IQCM: variants seen among roughly 807,000 people sequenced by gnomAD.
IQCM encodes the protein IQ domain-containing protein M.
Under a neutral mutation model 57.6 loss-of-function variants are expected in IQCM, and 45 were observed. The observed-to-expected ratio is 0.78, with a 90% CI of 0.62 to 1.00. The LOEUF (loss-of-function observed/expected upper bound fraction) is 1.00, where lower values mean the gene tolerates loss of function less well. Ranked by LOEUF, IQCM falls within the 50% of genes least tolerant of loss-of-function variation. The probability of loss-of-function intolerance (pLI) is 0.00; values close to 1 mark genes in which losing one functional copy is unlikely to be tolerated. For missense variants in IQCM, 468 were observed against 511.6 expected, an observed-to-expected ratio of 0.91 and a Z score of 0.82; for synonymous variants, 148 against 158.9, an observed-to-expected ratio of 0.93 and a Z score of 0.51.
intron 13 of IQCM, among the ~76,000 whole-genome samples, chr4:149,374,758 G>A (rs1189308154): frequency 2.6e-5 from 4 of 152,056 alleles, no homozygotes; most frequent in Non-Finnish European, 5.9e-5. Flanking sequence ...TGCCAACCTT[G>A]ACCTTCCACT....
At chr4:149,751,539 G>A (rs561744641) in intron 2 of IQCM, among the ~76,000 whole-genome samples, 3 of 152,212 alleles carry the variant, frequency 2.0e-5, no homozygotes, top group South Asian at 2.1e-4. Context: ...CCAGAAATTA[G>A]GACAGCAATT....
chr4:149,791,580 C>G (rs1283902435), intron 2 of IQCM, among the ~76,000 whole-genome samples: 1 of 152,146 alleles, frequency 6.6e-6, no homozygotes, highest in Non-Finnish European at 1.5e-5. Flanking sequence ...TCTGCCTCCC[C>G]CTCCACTACC....
intron 4 of IQCM, among the ~76,000 whole-genome samples, chr4:149,734,131 G>T (rs1033439880): frequency 6.6e-6 from 1 of 151,940 alleles, no homozygotes; most frequent in Non-Finnish European, 1.5e-5. Context: ...TCTACACACA[G>T]AGAGAGCTAT....
chr4:149,396,243 C>A (rs1300832009), intron 13 of IQCM, among the ~76,000 whole-genome samples: 1 of 151,608 alleles, frequency 6.6e-6, no homozygotes, highest in East Asian at 1.9e-4. Flanking sequence ...AATGTCTATC[C>A]ATAATCTTTA....
intron 9 of IQCM, among the ~76,000 whole-genome samples, chr4:149,582,514 T>C (rs1236537623): frequency 6.6e-6 from 1 of 150,794 alleles, no homozygotes; most frequent in Non-Finnish European, 1.5e-5. Context: ...GAGCAGTCCT[T>C]TGAATTAAAT....
At chr4:149,468,300 C>T (rs1739092500) in intron 12 of IQCM, among the ~76,000 whole-genome samples, 1 of 152,138 alleles carries the variant, frequency 6.6e-6, no homozygotes, top group Non-Finnish European at 1.5e-5. Context: ...TTCCAATGGC[C>T]TTAGCAAATG....
intron 9 of IQCM, among the ~76,000 whole-genome samples, chr4:149,575,430 G>C (rs550690613): frequency 6.6e-6 from 1 of 151,986 alleles, no homozygotes; most frequent in South Asian, 2.1e-4. Context: ...AAAAATCAGA[G>C]CAGTATTCCT....
At chr4:149,437,869 A>G (rs1473196934) in intron 12 of IQCM, among the ~76,000 whole-genome samples, 3 of 152,156 alleles carry the variant, frequency 2.0e-5, no homozygotes, top group Admixed American at 6.6e-5. Context: ...AGATGAAAGA[A>G]CAATAATTTA....
At chr4:149,375,363 G>C (rs1730638910) in intron 13 of IQCM, among the ~76,000 whole-genome samples, 1 of 152,122 alleles carries the variant, frequency 6.6e-6, no homozygotes, top group Non-Finnish European at 1.5e-5. Context: ...AGGAAGGGAG[G>C]AAGCAGAGAG....
intron 8 of IQCM, among the ~76,000 whole-genome samples, chr4:149,607,193 G>C (rs1013922266): frequency 2.6e-5 from 4 of 152,016 alleles, no homozygotes; most frequent in Admixed American, 2.0e-4. Flanking sequence ...CACATATAAA[G>C]GAGCTCTGAC....
At chr4:149,401,723 A>G (rs1422510567) in intron 13 of IQCM, among the ~76,000 whole-genome samples, 1 of 151,834 alleles carries the variant, frequency 6.6e-6, no homozygotes, top group African/African-American at 2.4e-5. Context: ...TGCTTACAAA[A>G]TGAGTTAAGA....
intron 8 of IQCM, among the ~76,000 whole-genome samples, chr4:149,611,602 G>A (rs1579694313): frequency 6.6e-6 from 1 of 152,078 alleles, no homozygotes; most frequent in Admixed American, 6.6e-5. Flanking sequence ...AATATTGTAC[G>A]TTCTCACTCA....
intron 10 of IQCM, among the ~76,000 whole-genome samples, chr4:149,558,029 CTT>C: frequency 6.6e-6 from 1 of 152,342 alleles, no homozygotes; most frequent in South Asian, 2.1e-4. Flanking sequence ...GGATCTAACA[CTT>C]TTCCTTGTAC....
chr4:149,497,118 A>G (rs1254337958), intron 12 of IQCM, among the ~76,000 whole-genome samples: 3 of 152,148 alleles, frequency 2.0e-5, no homozygotes, highest in Non-Finnish European at 4.4e-5. Context: ...TGTATGGGGC[A>G]GGAGAGTCTA....
intron 7 of IQCM, among the ~76,000 whole-genome samples, chr4:149,653,517 G>A (rs1376537794): frequency 2.0e-5 from 3 of 151,644 alleles, no homozygotes; most frequent in African/African-American, 7.3e-5. Flanking sequence ...ACTTCTTCAG[G>A]CTTTTTATAT....
chr4:149,655,934 T>C (rs1759598229), intron 7 of IQCM, among the ~76,000 whole-genome samples: 1 of 152,138 alleles, frequency 6.6e-6, no homozygotes, highest in Admixed American at 6.6e-5. Flanking sequence ...TCCAATTTTA[T>C]CATCAAAAAC....
chr4:149,728,217 G>A (rs1766137770), intron 5 of IQCM, among the ~76,000 whole-genome samples: 1 of 152,138 alleles, frequency 6.6e-6, no homozygotes, highest in Non-Finnish European at 1.5e-5. Context: ...AAATGGTTTT[G>A]CAATTGCCTC....
intron 5 of IQCM, among the ~76,000 whole-genome samples, chr4:149,688,362 C>T (rs1283001533): frequency 1.3e-5 from 2 of 151,358 alleles, no homozygotes; most frequent in Admixed American, 1.3e-4. Flanking sequence ...TAGCTGCAAA[C>T]AAAAAATAAA....
At chr4:149,767,911 T>C (rs1770209822) in intron 2 of IQCM, among the ~76,000 whole-genome samples, 1 of 152,164 alleles carries the variant, frequency 6.6e-6, no homozygotes, top group Non-Finnish European at 1.5e-5. Context: ...AATGGACTTT[T>C]ATAAATATAA....
Sources: allele counts gnomAD v4.1 joint callset (sites outside exome capture counted in the v4.1 genomes callset), GRCh38; gene constraint gnomAD v4.1.1; transcripts MANE v1.5; gene names NCBI Gene and HGNC (gene_info 2026-07-23, HGNC 2026-07-21).